The following ZNF248 variants were observed in gnomAD, a reference collection of about 807,000 sequenced individuals.
The protein encoded by ZNF248 is KRAB protein domain.
In ZNF248, 20 loss-of-function variants were observed where a neutral mutation model predicts 44.3. That is an observed-to-expected ratio of 0.45 (90% CI 0.32 to 0.66). The LOEUF (loss-of-function observed/expected upper bound fraction) is 0.66. Among genes scored for constraint, ZNF248 ranks in the 30% least tolerant of loss-of-function variants. ZNF248 has a pLI of 0.04. For missense variants in ZNF248, 654 were observed against 677.0 expected, an observed-to-expected ratio of 0.97 and a Z score of 0.38; for synonymous variants, 224 against 229.0, an observed-to-expected ratio of 0.98 and a Z score of 0.20.
chr10:37,848,621 C>T (rs566469884), intron 3 of ZNF248, among the ~76,000 whole-genome samples: 1 of 152,066 alleles, frequency 6.6e-6, no homozygotes, highest in Admixed American at 6.5e-5. Flanking sequence ...GGGAAGGAGC[C>T]CCTCAGCAGA....
intron 6 of ZNF248, among the ~76,000 whole-genome samples, chr10:37,780,572 T>A (rs566397966): frequency 1.4e-3 from 212 of 152,290 alleles, no homozygotes; most frequent in African/African-American, 4.8e-3. Flanking sequence ...ACAGCATCCC[T>A]CTACAGGTGA....
At position 37,833,063 on chromosome 10, in the gene ZNF248, C is replaced by A; in HGVS notation, c.292G>T (p.Asp98Tyr). 1 of 1,610,464 alleles carries A rather than the reference C, an allele frequency of 6.2e-7. No homozygotes were observed. Among genetic ancestry groups the A allele is most frequent in the Non-Finnish European group, 8.5e-7 (1 of 1,178,850 alleles). The change falls in exon 6 of 6, where the codon GAC becomes TAC. Residue 98 changes from aspartate to tyrosine, a missense_variant. Coordinates refer to ENST00000395867, the MANE Select transcript of ZNF248 (RefSeq NM_021045.3). ...VLESSQENED[D>Y]HFWELLFHNN... ...TGGAATAGAAGCTCCCAAAAATGGT[C>A]ATCTTCATTTTCCTGGCTGCTCTCT...
chr10:37,794,606 G>T, intron 6 of ZNF248: 1 of 159,746 alleles, frequency 6.3e-6, no homozygotes, highest in Non-Finnish European at 1.4e-5. Context: ...TGTATTCTTT[G>T]TTGTCCAATG....
chr10:37,820,654 T>A, intron 6 of ZNF248: 1 of 1,480,738 alleles, frequency 6.8e-7, no homozygotes, highest in Middle Eastern at 1.8e-4. Context: ...CGGCTTTTCT[T>A]TTCCACTTTC....
chr10:37,789,980 G>A (rs1012200907), intron 6 of ZNF248, among the ~76,000 whole-genome samples: 1 of 152,056 alleles, frequency 6.6e-6, no homozygotes, highest in Non-Finnish European at 1.5e-5. Flanking sequence ...ACCTGCCTGG[G>A]GCCGGGCGCC....
chr10:37,811,326 T>C (rs11011375), intron 6 of ZNF248, among the ~76,000 whole-genome samples: 4,177 of 152,234 alleles, frequency 0.027, 140 homozygotes, highest in African/African-American at 0.082. Context: ...AATCTCATAT[T>C]GAAAATGCAG....
chr10:37,818,211 C>T (rs774610104), intron 6 of ZNF248, among the ~76,000 whole-genome samples: 10 of 152,142 alleles, frequency 6.6e-5, no homozygotes, highest in East Asian at 1.9e-4. Flanking sequence ...CCACTGTGCC[C>T]GGCCTTCTAG....
chr10:37,759,919 C>T, the ZNF248 span, among the ~76,000 whole-genome samples: 5 of 152,134 alleles, frequency 3.3e-5, no homozygotes, highest in Non-Finnish European at 5.9e-5. Context: ...GTGGAAGAAC[C>T]GCTAGGCAGG....
At chr10:37,772,361 C>CTG (rs1471043668), downstream of ZNF248, among the ~76,000 whole-genome samples, 9 of 151,968 alleles carry the variant, frequency 5.9e-5, no homozygotes, top group African/African-American at 2.2e-4. Flanking sequence ...ACTGTATGCA[C>CTG]TGTGTGTGTC....
the ZNF248 span, among the ~76,000 whole-genome samples, chr10:37,762,096 C>A: frequency 5.9e-5 from 9 of 152,132 alleles, no homozygotes; most frequent in African/African-American, 2.2e-4. Flanking sequence ...GGCCAGGAAA[C>A]ATTTTTCAAA....
At chr10:37,762,770 T>G in the ZNF248 span, among the ~76,000 whole-genome samples, 2 of 152,206 alleles carry the variant, frequency 1.3e-5, no homozygotes. Flanking sequence ...CACTCGAGGC[T>G]TCCCATGTAG....
rs869199263 is a variant in ZNF248 at position 37,791,042 on chromosome 10, C to CTTTTT, written c.331-14472_331-14468dup. On this transcript the variant is annotated intron_variant, in intron 6 of 6. Coordinates refer to the ZNF248 transcript ENST00000615949. ...TTGTTTCTCTTATACTTTGTTATTT[C>CTTTTT]TTTTTTTTTTTTTTTTTTTTTTTTT... Among the ~76,000 whole-genome samples the CTTTTT allele has an allele frequency of 2.7e-3, 140 of 50,948 alleles. 20 individuals are homozygous for CTTTTT. The highest frequency in any genetic ancestry group is 6.5e-3 in the East Asian group (11 of 1,688). The allele number at this position is 50,948 out of a possible 152,430, so 33.4% of individuals were successfully genotyped here.
chr10:37,846,819 G>A (rs943212845), intron 3 of ZNF248, among the ~76,000 whole-genome samples: 1 of 152,084 alleles, frequency 6.6e-6, no homozygotes, highest in Non-Finnish European at 1.5e-5. Context: ...CATAACCACA[G>A]TGACACAACA....
At chr10:37,786,067 G>A (rs1043742703) in intron 6 of ZNF248, among the ~76,000 whole-genome samples, 1 of 152,186 alleles carries the variant, frequency 6.6e-6, no homozygotes, top group African/African-American at 2.4e-5. Context: ...GAGTAGCCAT[G>A]ACAGCAGGAA....
rs1404930905 is a variant in ZNF248, at chr10:37,837,974, A to G, written c.142+11T>C. ...GCTATTGATAGCCATGTGCGGAAAA[A>G]AACTCCTTACCTACTGAGACAAGAT... On this transcript the variant is annotated intron_variant, in intron 4 of 5. Transcript: ENST00000395867. The G allele has an allele frequency of 6.2e-7, 1 of 1,611,614 alleles. No individual in the cohort carries two copies. Among genetic ancestry groups the G allele is most frequent in the Admixed American group, 1.7e-5 (1 of 59,828 alleles).
At chr10:37,855,476 C>A (rs1040829525) in intron 3 of ZNF248, among the ~76,000 whole-genome samples, 1 of 151,864 alleles carries the variant, frequency 6.6e-6, no homozygotes, top group South Asian at 2.1e-4. Flanking sequence ...AAAAACAGAC[C>A]GAGAAGAACC....
chr10:37,779,589 C>T (rs1019866799), intron 6 of ZNF248, among the ~76,000 whole-genome samples: 3 of 151,692 alleles, frequency 2.0e-5, no homozygotes, highest in African/African-American at 4.8e-5. Context: ...GAAGCATTCC[C>T]TTTGAAAACT....
intron 3 of ZNF248, among the ~76,000 whole-genome samples, chr10:37,842,222 C>T (rs1300889544): frequency 6.6e-6 from 1 of 151,850 alleles, no homozygotes; most frequent in African/African-American, 2.4e-5. Context: ...AAGAAAGAAA[C>T]ATACAAGAGG....
At chr10:37,762,940 A>AT in the ZNF248 span, among the ~76,000 whole-genome samples, 1 of 152,296 alleles carries the variant, frequency 6.6e-6, no homozygotes, top group African/African-American at 2.4e-5. Flanking sequence ...GTAAATAATT[A>AT]TTTTTTTAAA....
Sources: allele counts gnomAD v4.1 joint callset (sites outside exome capture counted in the v4.1 genomes callset), GRCh38; gene constraint gnomAD v4.1.1; transcripts MANE v1.5; gene names NCBI Gene and HGNC (gene_info 2026-07-23, HGNC 2026-07-21).